CNBD1: variants seen among roughly 807,000 people sequenced by gnomAD.
The protein encoded by CNBD1 is cyclic nucleotide binding domain containing 1.
CNBD1 carries 71 observed loss-of-function variants against 54.4 expected under a neutral mutation model. The ratio of observed to expected loss-of-function variants is 1.30; its 90% CI spans 1.08 to 1.59. CNBD1 has a LOEUF of 1.59. Ranked by LOEUF, CNBD1 falls within the 40% of genes most tolerant of loss-of-function variation. The pLI, the probability that CNBD1 is intolerant of heterozygous loss-of-function variation, is 0.00. For missense variants in CNBD1, 659 were observed against 518.0 expected (o/e 1.27, Z -2.64); for synonymous variants, 182 against 170.7 (o/e 1.07, Z -0.51).
In CNBD1 at chr8:87,072,654, T is replaced by G. The variant is rs146068958; in HGVS notation, c.431+132900T>G. On this transcript the variant is annotated intron_variant, in intron 4 of 10. Coordinates refer to ENST00000518476, the MANE Select transcript of CNBD1 (RefSeq NM_173538.3). ...TTGGCTCCCAATCTCTTCTGGCTAG[T>G]AGGGTTTCTGCTGAGAGGTCTTCCG... is the stretch of plus-strand genomic sequence containing the variant. Among the ~76,000 whole-genome samples the G allele has an allele frequency of 4.7e-3, 717 of 152,280 alleles. 6 individuals are homozygous for G. Among genetic ancestry groups the G allele is most frequent in the African/African-American group, 0.016 (678 of 41,558 alleles).
intron 8 of CNBD1, among the ~76,000 whole-genome samples, chr8:87,303,300 T>C (rs560765298): frequency 2.4e-4 from 36 of 151,806 alleles, no homozygotes; most frequent in Admixed American, 2.0e-3. Context: ...TATAGACCAA[T>C]GGAACAGAAC....
intron 8 of CNBD1, among the ~76,000 whole-genome samples, chr8:87,311,513 G>A (rs1195255621): frequency 1.3e-5 from 2 of 152,140 alleles, no homozygotes; most frequent in Non-Finnish European, 2.9e-5. Flanking sequence ...ATGTAAATTA[G>A]TTTAGCCACT....
intron 2 of CNBD1, among the ~76,000 whole-genome samples, chr8:86,900,447 C>G (rs1232942053): frequency 6.6e-6 from 1 of 152,158 alleles, no homozygotes; most frequent in African/African-American, 2.4e-5. Context: ...TTGATCGTGA[C>G]TCACATTCTT....
chr8:86,938,703 A>G (rs1265661392), intron 3 of CNBD1, among the ~76,000 whole-genome samples: 2 of 152,162 alleles, frequency 1.3e-5, no homozygotes, highest in Admixed American at 6.6e-5. Flanking sequence ...CTTGTGATAC[A>G]TGGGAATTAT....
At chr8:87,332,283 G>A (rs754219866) in intron 8 of CNBD1, among the ~76,000 whole-genome samples, 1 of 151,812 alleles carries the variant, frequency 6.6e-6, no homozygotes, top group Non-Finnish European at 1.5e-5. Flanking sequence ...AGGAGGCGGA[G>A]GTTGCAGTGA....
chr8:87,363,780 A>C (rs1048438011), intron 10 of CNBD1, among the ~76,000 whole-genome samples: 1 of 151,982 alleles, frequency 6.6e-6, no homozygotes, highest in Non-Finnish European at 1.5e-5. Flanking sequence ...ATAGATTGCA[A>C]AATTTTTCTC....
At chr8:87,155,053 A>G (rs1479394458) in intron 4 of CNBD1, among the ~76,000 whole-genome samples, 3 of 152,164 alleles carry the variant, frequency 2.0e-5, no homozygotes, top group African/African-American at 7.2e-5. Context: ...CTAGTTCAGC[A>G]CCACCTGGGT....
At chr8:87,372,905 A>G (rs368539467) in intron 10 of CNBD1, among the ~76,000 whole-genome samples, 2 of 151,810 alleles carry the variant, frequency 1.3e-5, no homozygotes. Flanking sequence ...AACTTTGCAT[A>G]TAACTGTGGT....
At chr8:87,232,703 T>C (rs1807469630) in intron 5 of CNBD1, among the ~76,000 whole-genome samples, 1 of 152,128 alleles carries the variant, frequency 6.6e-6, no homozygotes, top group Non-Finnish European at 1.5e-5. Context: ...TGCGATATAA[T>C]TTCAGGGACT....
intron 2 of CNBD1, among the ~76,000 whole-genome samples, chr8:87,410,262 T>C (rs919390459): frequency 6.6e-6 from 1 of 152,112 alleles, no homozygotes; most frequent in Non-Finnish European, 1.5e-5. Context: ...GATTGAAAAG[T>C]AATTTCGATT....
intron 4 of CNBD1, among the ~76,000 whole-genome samples, chr8:86,995,140 G>C (rs1402151402): frequency 6.6e-6 from 1 of 152,142 alleles, no homozygotes; most frequent in Non-Finnish European, 1.5e-5. Flanking sequence ...GAAGAACTAG[G>C]CAGGATTTAG....
At chr8:87,194,351 T>A (rs1813672165) in intron 4 of CNBD1, among the ~76,000 whole-genome samples, 1 of 152,222 alleles carries the variant, frequency 6.6e-6, no homozygotes, top group Non-Finnish European at 1.5e-5. Flanking sequence ...TCATTAAGAC[T>A]TGTAAAGCTG....
intron 4 of CNBD1, among the ~76,000 whole-genome samples, chr8:87,073,598 C>T (rs957466053): frequency 6.6e-6 from 1 of 152,066 alleles, no homozygotes; most frequent in African/African-American, 2.4e-5. Context: ...CACTCCAGAC[C>T]ATAGTTGCCT....
intron 4 of CNBD1, among the ~76,000 whole-genome samples, chr8:86,985,377 C>G (rs373237695): frequency 6.6e-6 from 1 of 152,162 alleles, no homozygotes. Flanking sequence ...AGTTTTTCAA[C>G]CCATGGTGCC....
intron 4 of CNBD1, among the ~76,000 whole-genome samples, chr8:87,149,950 C>T (rs1055939392): frequency 2.0e-5 from 3 of 151,838 alleles, no homozygotes; most frequent in Non-Finnish European, 2.9e-5. Flanking sequence ...TGGAGGAGGG[C>T]GGATCATGAG....
At chr8:87,394,121 G>T (rs1325105458) in intron 2 of CNBD1, among the ~76,000 whole-genome samples, 2 of 151,702 alleles carry the variant, frequency 1.3e-5, no homozygotes, top group African/African-American at 2.4e-5. Flanking sequence ...TTGTTGATAG[G>T]GCGTAACAAT....
intron 6 of CNBD1, among the ~76,000 whole-genome samples, chr8:87,281,567 T>G (rs1428868453): frequency 1.8e-3 from 32 of 17,890 alleles, no homozygotes; most frequent in African/African-American, 5.4e-3. Flanking sequence ...TATATATATA[T>G]ATATATATAT....
exon 3 of CNBD1, chr8:87,428,612 A>G (rs1314089957): frequency 2.2e-6 from 1 of 454,414 alleles, no homozygotes; most frequent in Non-Finnish European, 4.4e-6. Context: ...CATCTGACAG[A>G]TGTAAGTAAA....
chr8:86,873,770 G>C (rs1004003754), intron 1 of CNBD1, among the ~76,000 whole-genome samples: 1 of 151,964 alleles, frequency 6.6e-6, no homozygotes, highest in Non-Finnish European at 1.5e-5. Context: ...TGTAAAGTCA[G>C]TATGTGAGAA....
Sources: gnomAD v4.1 joint callset for allele counts (sites outside exome capture counted in the v4.1 genomes callset) on GRCh38, gnomAD v4.1.1 for gene constraint, MANE v1.5 for transcripts, NCBI Gene and HGNC (gene_info 2026-07-23, HGNC 2026-07-21) for gene names.